Variants in CNGB1 observed in about 807,000 individuals in gnomAD.
The protein encoded by CNGB1 is cyclic nucleotide-gated channel beta-1.
In CNGB1, 126 loss-of-function variants were observed where a neutral mutation model predicts 151.7. That is an observed-to-expected ratio of 0.83 (90% CI 0.72 to 0.96). The LOEUF (loss-of-function observed/expected upper bound fraction) is 0.96, where lower values mean the gene tolerates loss of function less well. Among genes scored for constraint, CNGB1 ranks in the 40% least tolerant of loss-of-function variants. The probability of loss-of-function intolerance (pLI) is 0.00; values close to 1 mark genes in which losing one functional copy is unlikely to be tolerated. For synonymous variants in CNGB1, 623 were observed against 635.1 expected, an observed-to-expected ratio of 0.98 and a Z score of 0.29; for missense variants, 1,698 against 1,627.0, an observed-to-expected ratio of 1.04 and a Z score of -0.75.
intron 10 of CNGB1, 115 bp downstream of exon 10, chr16:57,959,773 G>C (rs1350248861): frequency 2.6e-5 from 34 of 1,313,866 alleles, no homozygotes; most frequent in Non-Finnish European, 2.9e-5. Context: ...TTGGGAAGGA[G>C]GCTGCACACA....
At chr16:57,945,990 G>A (rs1415375842) in intron 14 of CNGB1, among the ~76,000 whole-genome samples, 2 of 152,182 alleles carry the variant, frequency 1.3e-5, no homozygotes, top group East Asian at 3.8e-4. Flanking sequence ...ATCACCGGGG[G>A]CTGTCTAGGG....
At chr16:57,960,750 G>A (rs1962231046) in intron 8 of CNGB1, 90 bp downstream of exon 8, 1 of 1,421,308 alleles carries the variant, frequency 7.0e-7, no homozygotes, top group Non-Finnish European at 9.8e-7. Flanking sequence ...GGGGTGGGTG[G>A]GGACAGCCTG....
At position 57,920,364 on chromosome 16, in the gene CNGB1, A is replaced by G. The variant is rs166000; in HGVS notation, c.1801+23T>C. 998,653 of 1,612,804 alleles carry G rather than the reference A, an allele frequency of 0.62. 311,200 individuals carry two copies. Among genetic ancestry groups the G allele is most frequent in the South Asian group, 0.75 (68,264 of 91,044 alleles). Reference sequence around the variant, plus strand: ...CCCCACCCCATCCCCATCCAGGTAGACCCCCTCCAGCTCCAGACTCACAGG... The same window carrying G: ...CCCCACCCCATCCCCATCCAGGTAGGCCCCCTCCAGCTCCAGACTCACAGG... On this transcript the variant is annotated intron_variant, in intron 19 of 32. Coordinates refer to ENST00000251102, the MANE Select transcript of CNGB1 (RefSeq NM_001297.5).
At chr16:57,957,309 T>C in intron 12 of CNGB1, 32 bp downstream of exon 12, 8 of 1,607,456 alleles carry the variant, frequency 5.0e-6, no homozygotes, top group Non-Finnish European at 6.0e-6. Flanking sequence ...CTTCCTAATA[T>C]GTACATGGGG....
At chr16:57,931,295 GGAGT>G (rs1961339896) in intron 17 of CNGB1, among the ~76,000 whole-genome samples, 1 of 152,006 alleles carries the variant, frequency 6.6e-6, no homozygotes, top group South Asian at 2.1e-4. Context: ...TGGGATTACA[GGAGT>G]GAGCCACTAT....
intron 27 of CNGB1, among the ~76,000 whole-genome samples, chr16:57,903,406 C>T (rs550376639): frequency 3.3e-5 from 5 of 152,002 alleles, no homozygotes; most frequent in Admixed American, 2.0e-4. Context: ...GTAGGAGAAT[C>T]GCTTGAACCC....
chr16:57,906,021 G>A (rs1443414055), intron 25 of CNGB1, among the ~76,000 whole-genome samples: 2 of 152,168 alleles, frequency 1.3e-5, no homozygotes, highest in African/African-American at 4.8e-5. Context: ...ACCTCAGGCT[G>A]AGCCCTCCCC....
chr16:57,948,860 G>T (rs1368426585), intron 14 of CNGB1, among the ~76,000 whole-genome samples: 1 of 152,134 alleles, frequency 6.6e-6, no homozygotes, highest in Non-Finnish European at 1.5e-5. Context: ...ATGGATGTGG[G>T]TGGACGATCG....
rs751416902 is a variant in CNGB1, at chr16:57,960,052, G to T, written c.597C>A (p.Arg199=). Residue 199 remains arginine (R), a synonymous_variant, in exon 10 of 33, where the codon CGC becomes CGA. Coordinates refer to ENST00000251102, the MANE Select transcript of CNGB1 (RefSeq NM_001297.5). ...GAASDPAPPG[R]PQEMGPKLQA... ...GCAGCTTGGGCCCCATTTCCTGGGG[G>T]CGTCCTGGAGGCGCTAAGCAGCGGG... The T allele has an allele frequency of 1.3e-5, 21 of 1,557,100 alleles. No individual in the cohort carries two copies. The South Asian group carries it at 2.3e-4, about 17-fold the overall frequency.
intron 16 of CNGB1, among the ~76,000 whole-genome samples, chr16:57,932,858 G>A (rs1961396246): frequency 6.6e-6 from 1 of 152,112 alleles, no homozygotes; most frequent in African/African-American, 2.4e-5. Context: ...TGGGATTACA[G>A]GTGTGAGCCA....
chr16:57,901,597 T>C lies in CNGB1; in HGVS notation c.2823A>G (p.Pro941=). 2 of 1,614,138 alleles carry C rather than the reference T, an allele frequency of 1.2e-6. No homozygotes were observed. Among genetic ancestry groups the C allele is most frequent in the African/African-American group, 1.3e-5 (1 of 75,054 alleles). ...LDESELMVQL[P]DKMRLDLAID... ...TGGCGAGGTCCAGCCGCATCTTGTCTGGAAGCTGCACCATCAGCTCTGACT... is the reference window on the plus strand; with the variant it reads ...TGGCGAGGTCCAGCCGCATCTTGTCCGGAAGCTGCACCATCAGCTCTGACT... The change falls in exon 28 of 33, where the codon CCA becomes CCG. Residue 941 remains proline (P), a synonymous_variant. Coordinates refer to ENST00000251102, the MANE Select transcript of CNGB1 (RefSeq NM_001297.5).
chr16:57,922,904 C>T (rs1413137633), intron 18 of CNGB1, among the ~76,000 whole-genome samples: 1 of 151,686 alleles, frequency 6.6e-6, no homozygotes, highest in Non-Finnish European at 1.5e-5. Context: ...CAGGGCAGAA[C>T]CCACTGGAGA....
chr16:57,940,351 A>G (rs1421935759), intron 14 of CNGB1, 30 bp from the exon 15 acceptor site: 1 of 1,555,298 alleles, frequency 6.4e-7, no homozygotes. Context: ...GGGGAGGATA[A>G]AAGGACTGGG....
At chr16:57,920,267 G>T in intron 19 of CNGB1, 120 bp downstream of exon 19, 1 of 1,107,858 alleles carries the variant, frequency 9.0e-7, no homozygotes, top group African/African-American at 1.5e-5. Context: ...GTGGGGATCT[G>T]GGCTTCTCTC....
chr16:57,893,673 C>T (rs1332998227), intron 31 of CNGB1, among the ~76,000 whole-genome samples: 1 of 152,062 alleles, frequency 6.6e-6, no homozygotes, highest in Non-Finnish European at 1.5e-5. Context: ...TGGCATGTGC[C>T]TGCAGTAGTC....
At chr16:57,907,201 C>G (rs1960577582) in intron 25 of CNGB1, among the ~76,000 whole-genome samples, 1 of 152,170 alleles carries the variant, frequency 6.6e-6, no homozygotes, top group South Asian at 2.1e-4. Flanking sequence ...AGCTGTCCCC[C>G]TGCCCCACCC....
intron 14 of CNGB1, among the ~76,000 whole-genome samples, chr16:57,948,457 C>A (rs1961864016): frequency 6.6e-6 from 1 of 151,874 alleles, no homozygotes; most frequent in Non-Finnish European, 1.5e-5. Context: ...GCCTGGTCGA[C>A]CTTCCTGAAA....
intron 21 of CNGB1, among the ~76,000 whole-genome samples, chr16:57,916,943 G>A (rs547515445): frequency 1.3e-5 from 2 of 152,166 alleles, no homozygotes; most frequent in Non-Finnish European, 2.9e-5. Flanking sequence ...AAACAGAGGC[G>A]ATTCAGCTAG....
rs571611824 is a variant in CNGB1 at position 57,922,265 on chromosome 16, G to A, written c.1643+1008C>T. ...AGTCATGGCCAAGGACTGTGATTGG[G>A]GATTCCAGGCAGAGCCCAGGGCCCG... On this transcript the variant is annotated intron_variant, in intron 18 of 32. Coordinates refer to ENST00000251102, the MANE Select transcript of CNGB1 (RefSeq NM_001297.5). Among the ~76,000 whole-genome samples, 27 of 152,206 alleles carry A rather than the reference G, an allele frequency of 1.8e-4. 1 individual carries two copies. In the South Asian group the frequency reaches 4.8e-3, roughly 27 times the overall value.
Sources: gnomAD v4.1 joint callset for allele counts (sites outside exome capture counted in the v4.1 genomes callset) on GRCh38, gnomAD v4.1.1 for gene constraint, MANE v1.5 for transcripts, NCBI Gene and HGNC (gene_info 2026-07-23, HGNC 2026-07-21) for gene names.